The following MEGF6 variants were observed in gnomAD, a reference collection of about 807,000 sequenced individuals.
The protein encoded by MEGF6 is multiple EGF like domains 6, also known as multiple epidermal growth factor-like domains protein 6.
Under a neutral mutation model 207.1 loss-of-function variants are expected in MEGF6, and 184 were observed. The ratio of observed to expected loss-of-function variants is 0.89; its 90% CI spans 0.79 to 1.00. The LOEUF is 1.00. Ranked by LOEUF, MEGF6 falls within the 50% of genes least tolerant of loss-of-function variation. MEGF6 has a pLI of 0.00. For synonymous variants in MEGF6, 1,038 were observed against 910.0 expected (o/e 1.14, Z -2.53); for missense variants, 2,282 against 2,202.9 (o/e 1.04, Z -0.72).
At chr1:3,611,978 C>T (rs909825296), upstream of MEGF6, among the ~76,000 whole-genome samples, 4 of 152,146 alleles carry the variant, frequency 2.6e-5, no homozygotes, top group Non-Finnish European at 5.9e-5. Context: ...CCTCACTTCT[C>T]AAGTCCCACG....
At chr1:3,598,538 G>C (rs1353563168) in intron 2 of MEGF6, among the ~76,000 whole-genome samples, 1 of 152,150 alleles carries the variant, frequency 6.6e-6, no homozygotes, top group African/African-American at 2.4e-5. Context: ...GCCGGGCTAC[G>C]TGCTGCTTCC....
At chr1:3,536,047 C>A (rs1214007383) in intron 4 of MEGF6, among the ~76,000 whole-genome samples, 1 of 152,200 alleles carries the variant, frequency 6.6e-6, no homozygotes, top group Non-Finnish European at 1.5e-5. Context: ...CGGCTTCGCA[C>A]CCTGGCTCTG....
In MEGF6 at chr1:3,509,129, C is replaced by A; in HGVS notation, c.1474G>T (p.Ala492Ser). The A allele has an allele frequency of 6.2e-7, 1 of 1,600,954 alleles. No homozygotes were observed. Among genetic ancestry groups the A allele is most frequent in the African/African-American group, 1.3e-5 (1 of 74,494 alleles). ...PQLFQDDDVG[A>S]DEEEAELRGE... ...CGCAACTCTGCCTCTTCCTCATCGG[C>A]CCCGACGTCGTCATCCTGGAAGAGT... Residue 492 changes from alanine (A) to serine (S), a missense_variant, in exon 12 of 37, where the codon GCC (alanine) becomes TCC (serine). Physicochemically the swap from Ala to Ser is moderately conservative, Grantham distance 99. Transcript: ENST00000356575.
At chr1:3,491,777 G>C (rs1395847500) in intron 35 of MEGF6, among the ~76,000 whole-genome samples, 19 of 94,258 alleles carry the variant, frequency 2.0e-4, no homozygotes, top group East Asian at 1.2e-3. Context: ...TGCGGGGGTG[G>C]GGGGGGGGGT....
At position 3,549,205 on chromosome 1, in the gene MEGF6, C is replaced by G. The variant is rs142315985; in HGVS notation, c.482-24959G>C. Among the ~76,000 whole-genome samples, 243 of 152,326 alleles carry G rather than the reference C, an allele frequency of 1.6e-3. 1 individual carries two copies. Among genetic ancestry groups the G allele is most frequent in the Non-Finnish European group, 2.7e-3 (182 of 68,028 alleles). The stretch of plus-strand genomic sequence containing the variant: ...CCGTGCTCAGCCCAGAACAAGCCCA[C>G]AAGGGCCGCAGGAGACCCTTGGTGA... On this transcript the variant is annotated intron_variant, in intron 4 of 36. Transcript: ENST00000356575.
intron 3 of MEGF6, among the ~76,000 whole-genome samples, chr1:3,582,085 G>C (rs1643810725): frequency 6.6e-6 from 1 of 152,228 alleles, no homozygotes; most frequent in Admixed American, 6.5e-5. Context: ...GGCGGAGAGG[G>C]GCACACGGAC....
At chr1:3,545,705 G>A (rs751517343) in intron 4 of MEGF6, among the ~76,000 whole-genome samples, 25 of 152,194 alleles carry the variant, frequency 1.6e-4, no homozygotes, top group Non-Finnish European at 1.3e-4. Flanking sequence ...AGAATGGAGC[G>A]GGGGTCCGGG....
At chr1:3,533,920 G>C (rs935298825) in intron 4 of MEGF6, among the ~76,000 whole-genome samples, 1 of 152,166 alleles carries the variant, frequency 6.6e-6, no homozygotes, top group African/African-American at 2.4e-5. Context: ...CCAGGCTCCG[G>C]GGTCTTGGGA....
chr1:3,509,898 C>A lies in MEGF6; in HGVS notation c.1329G>T (p.Arg443=). 2 of 1,560,212 alleles carry A rather than the reference C, an allele frequency of 1.3e-6. No homozygotes were observed. Among genetic ancestry groups the A allele is most frequent in the Non-Finnish European group, 1.7e-6 (2 of 1,155,082 alleles). The change falls in exon 11 of 37, where the codon CGG becomes CGT. Residue 443 remains arginine, a synonymous_variant. Transcript: ENST00000356575. The part of the protein sequence containing the change: ...SFQCSCEAGY[R]LHEDRRGCSP... ...TGCAGCCCCTACGGTCCTCGTGCAG[C>A]CGGTAGCCGGCCTCGCAGGAGCACT...
intron 17 of MEGF6, among the ~76,000 whole-genome samples, chr1:3,504,059 G>A (rs963488048): frequency 1.1e-4 from 17 of 152,152 alleles, no homozygotes; most frequent in African/African-American, 3.9e-4. Flanking sequence ...GGGAGGGGAA[G>A]GGCCCATGCT....
chr1:3,497,632 G>A lies in MEGF6; in HGVS notation c.3353-271C>T, dbSNP rs532451935. Reference sequence around the variant, plus strand: ...TGCCCTTGGCACAGGCTGCAGGGACGAGACAGATAGGGCTGAGAGCTCAGC... The same window carrying A: ...TGCCCTTGGCACAGGCTGCAGGGACAAGACAGATAGGGCTGAGAGCTCAGC... On this transcript the variant is annotated intron_variant, in intron 26 of 36. Coordinates refer to ENST00000356575, the MANE Select transcript of MEGF6 (RefSeq NM_001409.4). 2.4e-4 allele frequency: 151 copies of A among 641,904 alleles called. 2 individuals are homozygous for A. Among genetic ancestry groups the A allele is most frequent in the South Asian group, 1.5e-3 (96 of 65,846 alleles). 39.8% of individuals were successfully genotyped at this position (641,904 alleles called of 1,614,324 possible).
chr1:3,490,969 A>G lies in MEGF6; in HGVS notation c.4517-10T>C, dbSNP rs759172492. The G allele has an allele frequency of 4.6e-5, 73 of 1,593,798 alleles. No individual in the cohort carries two copies. The highest frequency in any genetic ancestry group is 5.7e-5 in the Non-Finnish European group (67 of 1,173,314). On this transcript the variant is annotated splice_polypyrimidine_tract_variant and intron_variant, in intron 35 of 36. Coordinates refer to ENST00000356575, the MANE Select transcript of MEGF6 (RefSeq NM_001409.4). ...AGCCGGAGGGGCCCACCTGGAGGGG[A>G]GAGAGAGCAGGCCATGTTAGTACCC...
intron 3 of MEGF6, among the ~76,000 whole-genome samples, chr1:3,591,882 G>A (rs184218994): frequency 1.4e-4 from 20 of 146,074 alleles, no homozygotes; most frequent in African/African-American, 5.1e-4. Flanking sequence ...ACCAGCGAGG[G>A]GGCTGGTGGG....
intron 4 of MEGF6, among the ~76,000 whole-genome samples, chr1:3,572,500 CG>C (rs1643532443): frequency 7.7e-6 from 1 of 129,274 alleles, no homozygotes; most frequent in Non-Finnish European, 1.6e-5. Context: ...TGGGTCCTCC[CG>C]GGTGTGCTGA....
At chr1:3,547,353 C>A (rs1226956580) in intron 4 of MEGF6, among the ~76,000 whole-genome samples, 1 of 152,200 alleles carries the variant, frequency 6.6e-6, no homozygotes, top group Non-Finnish European at 1.5e-5. Flanking sequence ...TGGCCTCTCC[C>A]CGGGCCTTCA....
At chr1:3,596,365 C>G (rs1644065772) in intron 2 of MEGF6, among the ~76,000 whole-genome samples, 1 of 151,974 alleles carries the variant, frequency 6.6e-6, no homozygotes, top group South Asian at 2.1e-4. Flanking sequence ...ATGACGTCCC[C>G]CTCCCCAAGT....
intron 4 of MEGF6, among the ~76,000 whole-genome samples, chr1:3,530,396 G>GGCT (rs1642110717): frequency 6.6e-6 from 1 of 152,148 alleles, no homozygotes; most frequent in Non-Finnish European, 1.5e-5. Flanking sequence ...ACGACTCACT[G>GGCT]GGAGCCGCAA....
In MEGF6 at chr1:3,509,301, A is replaced by AC. The variant is rs140128859; in HGVS notation, c.1358-57dup. On this transcript the variant is annotated intron_variant, in intron 11 of 36. Coordinates refer to ENST00000356575, the MANE Select transcript of MEGF6 (RefSeq NM_001409.4). ...TGCCACCCACCTGCCTGCTCCAGCG[A>AC]CCCCCCGGCGGGTAGGGCTGGGCCT... 36 of 1,351,102 alleles carry AC rather than the reference A, an allele frequency of 2.7e-5. No individual in the cohort carries two copies. In the African/African-American group the frequency reaches 3.2e-4, roughly 12 times the overall value. The allele number at this position is 1,351,102 out of a possible 1,614,324, so 83.7% of individuals were successfully genotyped here. A position where few individuals can be genotyped will look rare whatever the true frequency, so the allele number is the denominator to read the frequency against.
Position 3,514,528 on chromosome 1 carries a change from G to A in MEGF6, c.853+22C>T, listed in dbSNP as rs1002684477. On this transcript the variant is annotated intron_variant, in intron 7 of 36. Coordinates refer to ENST00000356575, the MANE Select transcript of MEGF6 (RefSeq NM_001409.4). ...GCGCTTTCTGACCCTGGGCGGGGCGGAGCAGGGGAGGGGCGTCCTACCTTC... is the reference window on the plus strand; with the variant it reads ...GCGCTTTCTGACCCTGGGCGGGGCGAAGCAGGGGAGGGGCGTCCTACCTTC... The A allele has an allele frequency of 5.1e-6, 8 of 1,580,136 alleles. No homozygotes were observed. In the African/African-American group the frequency reaches 9.4e-5, roughly 19 times the overall value.
Sources: gnomAD v4.1 joint callset for allele counts (sites outside exome capture counted in the v4.1 genomes callset) on GRCh38, gnomAD v4.1.1 for gene constraint, MANE v1.5 for transcripts, NCBI Gene and HGNC (gene_info 2026-07-23, HGNC 2026-07-21) for gene names.